The following CTAGE1 variants were observed in gnomAD, a reference collection of about 807,000 sequenced individuals.
The protein encoded by CTAGE1 is cTAGE family member 2.
For synonymous variants in CTAGE1, 332 were observed against 302.8 expected, an observed-to-expected ratio of 1.10 and a Z score of -1.00; for missense variants, 963 against 855.9, an observed-to-expected ratio of 1.13 and a Z score of -1.56.
In CTAGE1 at chr18:22,415,285, T is replaced by C; in HGVS notation, c.*289A>G. 3.1e-6 allele frequency: 1 copy of C among 325,354 alleles called. No homozygotes were observed. The highest frequency in any genetic ancestry group is 5.5e-6 in the Non-Finnish European group (1 of 180,860). The allele number at this position is 325,354 out of a possible 1,614,324, so 20.2% of individuals were successfully genotyped here. On this transcript the variant is annotated 3_prime_UTR_variant, in exon 1 of 1. Transcript: ENST00000391403. Reference sequence around the variant, plus strand: ...AATAGTGGATTAATCAAATTAAAAGTTATACTATCTAGAATAAAATAAAAT... The same window carrying C: ...AATAGTGGATTAATCAAATTAAAAGCTATACTATCTAGAATAAAATAAAAT...
rs1260402128 is a variant in CTAGE1 at position 22,417,052 on chromosome 18, C to T, written c.760G>A (p.Asp254Asn). 2 of 1,613,994 alleles carry T rather than the reference C, an allele frequency of 1.2e-6. No individual in the cohort carries two copies. Among genetic ancestry groups the T allele is most frequent in the Non-Finnish European group, 1.7e-6 (2 of 1,179,864 alleles). ...TCCAAGTTATCATCATCCGTTACAT[C>T]TTCTTCAAGCATAGCAACCCCATCT... ...MKDGVAMLEE[D>N]VTDDDNLELE... The change falls in exon 1 of 1, where the codon GAT (aspartate) becomes AAT (asparagine). Residue 254 changes from aspartate to asparagine, a missense_variant. By Grantham distance (23) the Asp-to-Asn change is conservative (BLOSUM62 1). Transcript: ENST00000391403.
At position 22,413,616 on chromosome 18, in the gene CTAGE1, T is replaced by TC. The variant is rs1374640035; in HGVS notation, c.*1957dup. ...ACTCAACATGGATTTTTATACTTAT[T>TC]CACTCTTTATTATTTCAACTTTCTT... On this transcript the variant is annotated 3_prime_UTR_variant, in exon 1 of 1. Coordinates refer to ENST00000391403, the MANE Select transcript of CTAGE1 (RefSeq NM_172241.3). 2 of 152,244 alleles carry TC rather than the reference T, an allele frequency of 1.3e-5. No individual in the cohort carries two copies. The highest frequency in any genetic ancestry group is 1.3e-4 in the Admixed American group (2 of 15,292). 9.4% of individuals were successfully genotyped at this position (152,244 alleles called of 1,614,324 possible). A position where few individuals can be genotyped will look rare whatever the true frequency, so the allele number is the denominator to read the frequency against.
Position 22,414,070 on chromosome 18 carries a change from G to A in CTAGE1, c.*1504C>T, listed in dbSNP as rs1444811831. The A allele has an allele frequency of 6.6e-6, 1 of 152,186 alleles. No homozygotes were observed. Among genetic ancestry groups the A allele is most frequent in the African/African-American group, 2.4e-5 (1 of 41,446 alleles). 9.4% of individuals were successfully genotyped at this position (152,186 alleles called of 1,614,324 possible). ...TTCTGGGAGTGAGATATGCTACCCA[G>A]TTGTGAAAATAATACATGTCTTTTC... is the stretch of plus-strand genomic sequence containing the variant. On this transcript the variant is annotated 3_prime_UTR_variant, in exon 1 of 1. Coordinates refer to ENST00000391403, the MANE Select transcript of CTAGE1 (RefSeq NM_172241.3).
In CTAGE1 at chr18:22,415,743, G is replaced by T. The variant is rs193288240; in HGVS notation, c.2069C>A (p.Pro690Gln). ...PFIRRGPPFPPPPPGTVFGAS... is the reference protein window; with the variant it reads ...PFIRRGPPFPQPPPGTVFGAS... ...TCCAAACACGGTTCCTGGAGGAGGT[G>T]GGGGGAAAGGAGGTCCTCTTCTTAT... Residue 690 changes from proline (P) to glutamine (Q), a missense_variant, in exon 1 of 1, where the codon CCA becomes CAA. Coordinates refer to ENST00000391403, the MANE Select transcript of CTAGE1 (RefSeq NM_172241.3). The T allele has an allele frequency of 1.5e-4, 237 of 1,613,956 alleles. No individual in the cohort carries two copies. In the African/African-American group the frequency reaches 2.7e-3, roughly 18 times the overall value.
In CTAGE1 at chr18:22,416,393, T is replaced by C. The variant is rs374122391; in HGVS notation, c.1419A>G (p.Gly473=). The change falls in exon 1 of 1, where the codon GGA becomes GGG. Residue 473 remains glycine, a synonymous_variant. Coordinates refer to ENST00000391403, the MANE Select transcript of CTAGE1 (RefSeq NM_172241.3). ...KIKLLEKDPY[G]LDVPNTAFGR... is the part of the protein sequence containing the mutation. ...CAAATGCTGTATTTGGAACATCAAG[T>C]CCATAAGGATCTTTTTCTAAAAGTT... The C allele has an allele frequency of 2.7e-5, 44 of 1,613,692 alleles. No homozygotes were observed. The highest frequency in any genetic ancestry group is 3.7e-5 in the Non-Finnish European group (44 of 1,179,826).
rs3841259 is a variant in CTAGE1, at chr18:22,415,092, C to CT, written c.*481dup. 252 of 271,152 alleles carry CT rather than the reference C, an allele frequency of 9.3e-4. No individual in the cohort carries two copies. In the East Asian group the frequency reaches 0.01, roughly 11 times the overall value. 16.8% of individuals were successfully genotyped at this position (271,152 alleles called of 1,614,324 possible). A position where few individuals can be genotyped will look rare whatever the true frequency, so the allele number is the denominator to read the frequency against. ...CCCACCTGTGCATATTTATATATTT[C>CT]TTTTTTTAAATTTTTTAAATTTTTT... On this transcript the variant is annotated 3_prime_UTR_variant, in exon 1 of 1. Transcript: ENST00000391403.
chr18:22,417,073 CATCTTTCATCTTTAGCAA>C lies in CTAGE1; in HGVS notation c.721_738del (p.Leu241_Asp246del), dbSNP rs1270075128. On this transcript the variant is annotated inframe_deletion, in exon 1 of 1. Coordinates refer to ENST00000391403, the MANE Select transcript of CTAGE1 (RefSeq NM_172241.3). ...ACATCTTCTTCAAGCATAGCAACCCCATCTTTCATCTTTAGCAAGCGTTCAGTCAGAGTCTTGATGTGA... is the reference window on the plus strand; with the variant it reads ...ACATCTTCTTCAAGCATAGCAACCCCGCGTTCAGTCAGAGTCTTGATGTGA... 6.2e-7 allele frequency: 1 copy of C among 1,613,910 alleles called. No homozygotes were observed. The highest frequency in any genetic ancestry group is 1.1e-5 in the South Asian group (1 of 91,062).
rs771653179 is a variant in CTAGE1 at position 22,415,589 on chromosome 18, T to TG, written c.2222dup (p.Ala742SerfsTer9). 5 of 1,599,846 alleles carry TG rather than the reference T, an allele frequency of 3.1e-6. No homozygotes were observed. The South Asian group carries it at 5.6e-5, about 18-fold the overall frequency. On this transcript the variant is annotated frameshift_variant, in exon 1 of 1. Transcript: ENST00000391403. LOFTEE classifies it high-confidence loss of function. ...CATTCTACCTTCAGAATGTGGGGGC[T>TG]GGGGGGAAAAATGCAGGTCTTGGGG...
rs1221380076 is a variant in CTAGE1 at position 22,414,994 on chromosome 18, C to G, written c.*580G>C. 3 of 580,208 alleles carry G rather than the reference C, an allele frequency of 5.2e-6. No individual in the cohort carries two copies. The highest frequency in any genetic ancestry group is 9.1e-6 in the Non-Finnish European group (3 of 329,932). The allele number at this position is 580,208 out of a possible 1,614,324, so 35.9% of individuals were successfully genotyped here. ...AAAGTACTGAAAGAGGATATAAAAT[C>G]TATAAGACAGGAGATCCAAGATCAT... On this transcript the variant is annotated 3_prime_UTR_variant, in exon 1 of 1. Transcript: ENST00000391403.
At position 22,414,614 on chromosome 18, in the gene CTAGE1, C is replaced by T. The variant is rs1289820498; in HGVS notation, c.*960G>A. 3 of 687,252 alleles carry T rather than the reference C, an allele frequency of 4.4e-6. No individual in the cohort carries two copies. The highest frequency in any genetic ancestry group is 4.9e-4 in the Middle Eastern group (2 of 4,084). The allele number at this position is 687,252 out of a possible 1,614,324, so 42.6% of individuals were successfully genotyped here. A position where few individuals can be genotyped will look rare whatever the true frequency, so the allele number is the denominator to read the frequency against. ...GAGCTCAATCAGAGATCAAATTCAC[C>T]AACTGCAATTAAGCACTATCTTAGA... On this transcript the variant is annotated 3_prime_UTR_variant, in exon 1 of 1. Transcript: ENST00000391403.
chr18:22,416,367 C>T lies in CTAGE1; in HGVS notation c.1445G>A (p.Gly482Asp). The T allele has an allele frequency of 1.2e-6, 2 of 1,613,938 alleles. No individual in the cohort carries two copies. The highest frequency in any genetic ancestry group is 1.7e-6 in the Non-Finnish European group (2 of 1,179,860). ...GGGACCATATGGGGAATGCTGTCTGCCAAATGCTGTATTTGGAACATCAAG... is the reference window on the plus strand; with the variant it reads ...GGGACCATATGGGGAATGCTGTCTGTCAAATGCTGTATTTGGAACATCAAG... ...YGLDVPNTAF[G>D]RQHSPYGPSP... Residue 482 changes from glycine to aspartate, a missense_variant, in exon 1 of 1, where the codon GGC becomes GAC. Gly to Asp is a moderately conservative substitution (Grantham distance 94, BLOSUM62 -1). Coordinates refer to ENST00000391403, the MANE Select transcript of CTAGE1 (RefSeq NM_172241.3).
At position 22,416,644 on chromosome 18, in the gene CTAGE1, T is replaced by C. The variant is rs1304130914; in HGVS notation, c.1168A>G (p.Met390Val). Reference sequence around the variant, plus strand: ...AGCTCTTCAGTGGCATGGCTGATCATTTCGTCTACTTTAGAAAGTTTCTCT... The same window carrying C: ...AGCTCTTCAGTGGCATGGCTGATCACTTCGTCTACTTTAGAAAGTTTCTCT... ...KEEKLSKVDE[M>V]ISHATEELET... Residue 390 changes from methionine to valine, a missense_variant, in exon 1 of 1, where the codon ATG becomes GTG. Transcript: ENST00000391403. The C allele has an allele frequency of 6.2e-7, 1 of 1,613,954 alleles. No homozygotes were observed. The highest frequency in any genetic ancestry group is 8.5e-7 in the Non-Finnish European group (1 of 1,179,986).
rs199704250 is a variant in CTAGE1 at position 22,416,376 on chromosome 18, G to A, written c.1436C>T (p.Thr479Ile). The change falls in exon 1 of 1, where the codon ACA (threonine) becomes ATA (isoleucine). Residue 479 changes from threonine to isoleucine, a missense_variant. By Grantham distance (89) the Thr-to-Ile change is moderately conservative. Coordinates refer to ENST00000391403, the MANE Select transcript of CTAGE1 (RefSeq NM_172241.3). ...TGGGGAATGCTGTCTGCCAAATGCT[G>A]TATTTGGAACATCAAGTCCATAAGG... Reference protein sequence around the residue: ...KDPYGLDVPNTAFGRQHSPYG... With the variant: ...KDPYGLDVPNIAFGRQHSPYG... 7 of 1,613,922 alleles carry A rather than the reference G, an allele frequency of 4.3e-6. No homozygotes were observed. In the East Asian group the frequency reaches 8.9e-5, roughly 21 times the overall value.
chr18:22,417,790 A>C lies in CTAGE1; in HGVS notation c.22T>G (p.Tyr8Asp). ...ATCACCAATTCCCATGGAAAACCAT[A>C]AGGATGAGAATCGGGTCTCATACCT... MRPDSHP[Y>D]GFPWELVIRA... The change falls in exon 1 of 1, where the codon TAT (tyrosine) becomes GAT (aspartate). Residue 8 changes from tyrosine to aspartate, a missense_variant. Transcript: ENST00000391403. 1 of 1,614,250 alleles carries C rather than the reference A, an allele frequency of 6.2e-7. No individual in the cohort carries two copies. The highest frequency in any genetic ancestry group is 1.3e-5 in the African/African-American group (1 of 75,074).
Position 22,416,607 on chromosome 18 carries a change from C to A in CTAGE1, c.1205G>T (p.Arg402Leu), listed in dbSNP as rs780250842. 6.2e-7 allele frequency: 1 copy of A among 1,611,434 alleles called. No individual in the cohort carries two copies. Among genetic ancestry groups the A allele is most frequent in the Non-Finnish European group, 8.5e-7 (1 of 1,179,518 alleles). The change falls in exon 1 of 1, where the codon CGA becomes CTA. Residue 402 changes from arginine (R) to leucine (L), a missense_variant. Transcript: ENST00000391403. ...TTCTTTAAGATCTTTGGCTCGCTTT[C>A]GGTAGGTCTCCAGCTCTTCAGTGGC... Reference protein sequence around the residue: ...SHATEELETYRKRAKDLKEFE... With the variant: ...SHATEELETYLKRAKDLKEFE...
In CTAGE1 at chr18:22,416,165, A is replaced by G. The variant is rs748347551; in HGVS notation, c.1647T>C (p.Asp549=). Residue 549 remains aspartate (D), a synonymous_variant, in exon 1 of 1, where the codon GAT becomes GAC. Transcript: ENST00000391403. ...ITKERGESSC[D]RLTDPHRAPS... Reference sequence around the variant, plus strand: ...GAGCCCTGTGAGGATCAGTTAACCTATCACAGCTTGATTCTCCTCTTTCTT... The same window carrying G: ...GAGCCCTGTGAGGATCAGTTAACCTGTCACAGCTTGATTCTCCTCTTTCTT... 1.6e-5 allele frequency: 26 copies of G among 1,613,808 alleles called. No homozygotes were observed. Among genetic ancestry groups the G allele is most frequent in the African/African-American group, 4.0e-5 (3 of 74,914 alleles).
rs1328789678 is a variant in CTAGE1, at chr18:22,414,632, A to G, written c.*942T>C. ...AATTCACCAACTGCAATTAAGCACT[A>G]TCTTAGATTTACTCCTTCCCCTTGC... On this transcript the variant is annotated 3_prime_UTR_variant, in exon 1 of 1. Transcript: ENST00000391403. The G allele has an allele frequency of 4.3e-6, 3 of 700,148 alleles. No homozygotes were observed. The highest frequency in any genetic ancestry group is 7.8e-6 in the Non-Finnish European group (3 of 384,348). 43.4% of individuals were successfully genotyped at this position (700,148 alleles called of 1,614,324 possible). A position where few individuals can be genotyped will look rare whatever the true frequency, so the allele number is the denominator to read the frequency against.
rs764486842 is a variant in CTAGE1 at position 22,416,050 on chromosome 18, G to A, written c.1762C>T (p.Leu588Phe). ...PPGQSYPDSA[L>F]PPQRQDRFYS... ...AATCTGTCTTGCCTTTGTGGAGGGAGAGCTGAATCAGGATATGATTGTCCT... is the reference window on the plus strand; with the variant it reads ...AATCTGTCTTGCCTTTGTGGAGGGAAAGCTGAATCAGGATATGATTGTCCT... The change falls in exon 1 of 1, where the codon CTC (leucine) becomes TTC (phenylalanine). Residue 588 changes from leucine to phenylalanine, a missense_variant. By Grantham distance (22) the Leu-to-Phe change is conservative. Transcript: ENST00000391403. The A allele has an allele frequency of 7.4e-6, 12 of 1,613,962 alleles. No individual in the cohort carries two copies. The highest frequency in any genetic ancestry group is 6.7e-5 in the Admixed American group (4 of 60,020).
chr18:22,414,837 T>C lies in CTAGE1; in HGVS notation c.*737A>G, dbSNP rs1228795934. ...AAGAAATAACAACACAATTATGTAA[T>C]GATATGATGACAAACATAGGAAGAA... On this transcript the variant is annotated 3_prime_UTR_variant, in exon 1 of 1. Coordinates refer to ENST00000391403, the MANE Select transcript of CTAGE1 (RefSeq NM_172241.3). 1.1e-5 allele frequency: 8 copies of C among 700,538 alleles called. No individual in the cohort carries two copies. Among genetic ancestry groups the C allele is most frequent in the Non-Finnish European group, 2.1e-5 (8 of 384,680 alleles). The allele number at this position is 700,538 out of a possible 1,614,324, so 43.4% of individuals were successfully genotyped here. A position where few individuals can be genotyped will look rare whatever the true frequency, so the allele number is the denominator to read the frequency against.
Sources: allele counts gnomAD v4.1 joint callset, GRCh38; gene constraint gnomAD v4.1.1; transcripts MANE v1.5; gene names NCBI Gene and HGNC (gene_info 2026-07-23, HGNC 2026-07-21).